Variants in SBSPON observed in about 807,000 individuals in gnomAD.
SBSPON encodes somatomedin B and thrombospondin type 1 domain containing, also known as somatomedin-B and thrombospondin type-1 domain-containing protein.
Under a neutral mutation model 35.8 loss-of-function variants are expected in SBSPON, and 30 were observed. The ratio of observed to expected loss-of-function variants is 0.84; its 90% confidence interval spans 0.63 to 1.14. The LOEUF is 1.14. SBSPON is among the 50% of genes most tolerant of loss of function. The probability of loss-of-function intolerance (pLI) is 0.00; values close to 1 mark genes in which losing one functional copy is unlikely to be tolerated. For missense variants in SBSPON, 364 were observed against 357.7 expected (o/e 1.02, Z -0.14); for synonymous variants, 136 against 135.9 (o/e 1.00, Z 0.00).
chr8:73,088,273 G>A (rs2130040847), intron 1 of SBSPON, among the ~76,000 whole-genome samples: 1 of 152,216 alleles, frequency 6.6e-6, no homozygotes, highest in East Asian at 1.9e-4. Context: ...AAATCAGAAG[G>A]AATAGAAGTA....
chr8:73,081,507 C>T (rs556454615), intron 1 of SBSPON, among the ~76,000 whole-genome samples: 58 of 152,264 alleles, frequency 3.8e-4, no homozygotes, highest in Middle Eastern at 6.8e-3. Flanking sequence ...CGGATGCTTT[C>T]AGGGGAATTT....
rs199761887 is a variant in SBSPON at position 73,065,611 on chromosome 8, T to TA, written c.*1729dup. On this transcript the variant is annotated 3_prime_UTR_variant, in exon 5 of 5. Coordinates refer to ENST00000297354, the MANE Select transcript of SBSPON (RefSeq NM_153225.4). Reference sequence around the variant, plus strand: ...TAACACAGTGAAACCCTGTCTCTACTAAAAAAAAAAAACAAAAAATTAGCC... The same window carrying TA: ...TAACACAGTGAAACCCTGTCTCTACTAAAAAAAAAAAAACAAAAAATTAGCC... 6.3e-3 allele frequency: 869 copies of TA among 138,716 alleles called. 3 individuals carry two copies. The highest frequency in any genetic ancestry group is 0.017 in the African/African-American group (631 of 38,234). 8.6% of individuals were successfully genotyped at this position (138,716 alleles called of 1,614,324 possible).
At chr8:73,092,135 G>A (rs1239252323) in intron 1 of SBSPON, among the ~76,000 whole-genome samples, 6 of 152,146 alleles carry the variant, frequency 3.9e-5, no homozygotes, top group Non-Finnish European at 5.9e-5. Context: ...GAGATACTGT[G>A]GGAAATTTAA....
intron 4 of SBSPON, among the ~76,000 whole-genome samples, chr8:73,069,390 T>A (rs1323577852): frequency 5.3e-5 from 8 of 152,038 alleles, no homozygotes; most frequent in African/African-American, 9.7e-5. Flanking sequence ...ACTCAAGTGA[T>A]CCTCCCCAGT....
chr8:73,071,439 A>G (rs1810490401), intron 3 of SBSPON, among the ~76,000 whole-genome samples: 1 of 152,216 alleles, frequency 6.6e-6, no homozygotes, highest in African/African-American at 2.4e-5. Flanking sequence ...TCACTTTCAA[A>G]TTCACCAAAC....
At position 73,081,003 on chromosome 8, in the gene SBSPON, A is replaced by G. The variant is rs1444049324; in HGVS notation, c.409+16T>C. The G allele has an allele frequency of 1.3e-6, 2 of 1,542,754 alleles. No homozygotes were observed. The highest frequency in any genetic ancestry group is 1.8e-6 in the Non-Finnish European group (2 of 1,142,072). ...ATCACAGATAACAAAGGCAGCAACC[A>G]TGAAAACATCAGTACCATAGGTGTG... On this transcript the variant is annotated intron_variant, in intron 2 of 4. Coordinates refer to ENST00000297354, the MANE Select transcript of SBSPON (RefSeq NM_153225.4).
intron 3 of SBSPON, 45 bp from the exon 4 acceptor site, chr8:73,070,026 G>A (rs947205822): frequency 1.6e-6 from 2 of 1,285,690 alleles, no homozygotes; most frequent in Admixed American, 4.7e-5. Context: ...AATGAGCAGT[G>A]GCCTAAAGCT....
Position 73,081,174 on chromosome 8 carries a change from C to A in SBSPON, c.254G>T (p.Gly85Val), listed in dbSNP as rs377146336. Residue 85 changes from glycine to valine, a missense_variant, in exon 2 of 5, where the codon GGT becomes GTT. Physicochemically the swap from Gly to Val is moderately radical, Grantham distance 109. Transcript: ENST00000297354. ...CFVGEWSPWS[G>V]CADQCKPTTR... ...TGTAGGCTTGCACTGGTCTGCACAA[C>A]CACTCCAGGGGCTCCATTCCCCCAC... 6.2e-7 allele frequency: 1 copy of A among 1,605,240 alleles called. No individual in the cohort carries two copies. Among genetic ancestry groups the A allele is most frequent in the Non-Finnish European group, 8.5e-7 (1 of 1,175,062 alleles).
intron 2 of SBSPON, among the ~76,000 whole-genome samples, chr8:73,075,398 G>A (rs1366880957): frequency 6.6e-6 from 1 of 152,118 alleles, no homozygotes; most frequent in Non-Finnish European, 1.5e-5. Flanking sequence ...CATTACTTAA[G>A]TAATGAAATA....
chr8:73,071,398 T>A (rs1810490139), intron 3 of SBSPON, among the ~76,000 whole-genome samples: 1 of 152,200 alleles, frequency 6.6e-6, no homozygotes, highest in Non-Finnish European at 1.5e-5. Flanking sequence ...CCAATAGGTT[T>A]CCATAAGAAA....
intron 2 of SBSPON, among the ~76,000 whole-genome samples, chr8:73,073,326 A>T (rs1258646550): frequency 6.6e-6 from 1 of 152,226 alleles, no homozygotes; most frequent in Non-Finnish European, 1.5e-5. Flanking sequence ...ATACAAGCTG[A>T]TATCAACTTA....
In SBSPON at chr8:73,092,996, C is replaced by A; in HGVS notation, c.72G>T (p.Glu24Asp). ...CCCGGCCGGGACAGCAGCGCCCGGC[C>A]TCGGCGCAGCCGGCCTGGGCCCCGG... Reference protein sequence around the residue: ...LWPGAQAGCAEAGRCCPGRDP... With the variant: ...LWPGAQAGCADAGRCCPGRDP... Residue 24 changes from glutamate (E) to aspartate (D), a missense_variant, in exon 1 of 5, where the codon GAG becomes GAT. Coordinates refer to ENST00000297354, the MANE Select transcript of SBSPON (RefSeq NM_153225.4). 1 of 1,518,976 alleles carries A rather than the reference C, an allele frequency of 6.6e-7. No homozygotes were observed. Among genetic ancestry groups the A allele is most frequent in the African/African-American group, 1.4e-5 (1 of 69,362 alleles). The allele number at this position is 1,518,976 out of a possible 1,614,324, so 94.1% of individuals were successfully genotyped here.
At chr8:73,070,916 A>G (rs1316088414) in intron 3 of SBSPON, among the ~76,000 whole-genome samples, 1 of 152,236 alleles carries the variant, frequency 6.6e-6, no homozygotes, top group Non-Finnish European at 1.5e-5. Context: ...GGTACAGCTA[A>G]TTAGTAACTA....
chr8:73,073,878 T>C (rs985475331), intron 2 of SBSPON, among the ~76,000 whole-genome samples: 4 of 152,088 alleles, frequency 2.6e-5, no homozygotes, highest in African/African-American at 9.7e-5. Context: ...CACTTGTTCC[T>C]GTGTGGCTCT....
Position 73,091,066 on chromosome 8 carries a change from A to G in SBSPON, c.214+1788T>C, listed in dbSNP as rs73316125. 3.3e-3 allele frequency among the ~76,000 whole-genome samples: 510 copies of G among 152,326 alleles called. 5 individuals carry two copies. The highest frequency in any genetic ancestry group is 0.011 in the African/African-American group (476 of 41,568). On this transcript the variant is annotated intron_variant, in intron 1 of 4. Transcript: ENST00000297354. ...CTCCTCATCCCTCTTACGGGCCTGA[A>G]TCTCTCCAGATCTGGCTGCCTCCAG...
chr8:73,069,511 C>T (rs1279060260), intron 4 of SBSPON, among the ~76,000 whole-genome samples: 2 of 152,120 alleles, frequency 1.3e-5, no homozygotes, highest in East Asian at 3.9e-4. Context: ...CTCAAGCAGT[C>T]TACCCACCTC....
At chr8:73,089,064 T>G (rs539811027) in intron 1 of SBSPON, among the ~76,000 whole-genome samples, 2 of 152,280 alleles carry the variant, frequency 1.3e-5, no homozygotes, top group East Asian at 3.9e-4. Context: ...CTCAGCAGGG[T>G]CTGGAGCAGA....
chr8:73,067,533 T>A, intron 4 of SBSPON, 75 bp from the exon 5 acceptor site: 2 of 895,934 alleles, frequency 2.2e-6, no homozygotes, highest in Non-Finnish European at 1.8e-6. Context: ...GAATTAAAAC[T>A]CGGAGTTAAA....
intron 1 of SBSPON, 60 bp downstream of exon 1, chr8:73,092,794 C>A (rs1317908944): frequency 4.4e-6 from 6 of 1,373,084 alleles, no homozygotes; most frequent in South Asian, 3.6e-5. Context: ...CAGCGCCCTG[C>A]CCTGTGCCCG....
Sources: allele counts gnomAD v4.1 joint callset (sites outside exome capture counted in the v4.1 genomes callset), GRCh38; gene constraint gnomAD v4.1.1; transcripts MANE v1.5; gene names NCBI Gene and HGNC (gene_info 2026-07-23, HGNC 2026-07-21).